Variants in PRKN observed in about 807,000 individuals in gnomAD.
PRKN encodes parkin RBR E3 ubiquitin protein ligase.
In PRKN, 56 loss-of-function variants were observed where a neutral mutation model predicts 59.5. That is an observed-to-expected ratio of 0.94 (90% CI 0.76 to 1.18). The LOEUF (loss-of-function observed/expected upper bound fraction) is 1.18. Among genes scored for constraint, PRKN ranks in the 50% most tolerant of loss-of-function variants. The pLI is 0.00. For synonymous variants in PRKN, 250 were observed against 222.1 expected (o/e 1.13, Z -1.12); for missense variants, 657 against 596.4 (o/e 1.10, Z -1.06).
At position 161,532,674 on chromosome 6, in the gene PRKN, C is replaced by T. The variant is rs138948023; in HGVS notation, c.1083+16180G>A. ...CTTGCTAAATAGAAATCATGGGTTA[C>T]GAGACGGGAGAGACGCCCACGTGGT... On this transcript the variant is annotated intron_variant, in intron 9 of 11. Coordinates refer to ENST00000366898, the MANE Select transcript of PRKN (RefSeq NM_004562.3). Among the ~76,000 whole-genome samples, 289 of 152,214 alleles carry T rather than the reference C, an allele frequency of 1.9e-3. 1 individual carries two copies. Among genetic ancestry groups the T allele is most frequent in the Admixed American group, 4.1e-3 (63 of 15,276 alleles).
intron 5 of PRKN, among the ~76,000 whole-genome samples, chr6:162,044,084 C>T (rs557399815): frequency 2.1e-4 from 32 of 152,272 alleles, no homozygotes; most frequent in Admixed American, 1.6e-3. Flanking sequence ...TCACACTTTG[C>T]CAGGGATTCA....
intron 7 of PRKN, among the ~76,000 whole-genome samples, chr6:161,774,124 AC>A (rs2128203705): frequency 1.3e-5 from 2 of 152,240 alleles, no homozygotes; most frequent in East Asian, 3.9e-4. Flanking sequence ...GAGCTCTGCA[AC>A]ACCATCAATT....
intron 1 of PRKN, among the ~76,000 whole-genome samples, chr6:162,585,632 T>C (rs189334003): frequency 6.6e-6 from 1 of 152,316 alleles, no homozygotes; most frequent in East Asian, 1.9e-4. Flanking sequence ...TAAATGTTGG[T>C]AATTATTTTT....
At chr6:161,430,895 G>A (rs1788615417) in intron 9 of PRKN, among the ~76,000 whole-genome samples, 1 of 150,946 alleles carries the variant, frequency 6.6e-6, no homozygotes, top group Non-Finnish European at 1.5e-5. Flanking sequence ...CAGCACTTTG[G>A]GAGGTCAAGG....
intron 7 of PRKN, among the ~76,000 whole-genome samples, chr6:161,605,860 T>G (rs929908533): frequency 2.0e-5 from 3 of 152,048 alleles, no homozygotes; most frequent in African/African-American, 7.2e-5. Context: ...AACCCTCTGA[T>G]GAGTGGCATA....
chr6:162,563,775 A>C (rs1779949526), intron 1 of PRKN, among the ~76,000 whole-genome samples: 1 of 152,208 alleles, frequency 6.6e-6, no homozygotes, highest in Admixed American at 6.5e-5. Flanking sequence ...TCATGATAAC[A>C]CAGAGAAGCA....
At chr6:161,780,816 G>T (rs986385582) in intron 7 of PRKN, among the ~76,000 whole-genome samples, 1 of 152,128 alleles carries the variant, frequency 6.6e-6, no homozygotes, top group African/African-American at 2.4e-5. Flanking sequence ...AACAAAATGA[G>T]TGTCTCTGTT....
In PRKN at chr6:162,101,056, C is replaced by T. The variant is rs138618590; in HGVS notation, c.535-46882G>A. Reference sequence around the variant, plus strand: ...TGTCTCTTCACTCTGCTGATTGTTGCGTGGCTGATACAGAAGTTCTTTAGT... The same window carrying T: ...TGTCTCTTCACTCTGCTGATTGTTGTGTGGCTGATACAGAAGTTCTTTAGT... On this transcript the variant is annotated intron_variant, in intron 4 of 11. Transcript: ENST00000366898. Among the ~76,000 whole-genome samples, 214 of 152,146 alleles carry T rather than the reference C, an allele frequency of 1.4e-3. 1 individual carries two copies. The highest frequency in any genetic ancestry group is 4.7e-3 in the African/African-American group (197 of 41,538).
rs548141302 is a variant in PRKN, at chr6:161,355,165, G to T, written c.1285+4923C>A. On this transcript the variant is annotated intron_variant, in intron 11 of 11. Transcript: ENST00000366898. The surrounding 1 kb of genome is among the most constrained non-coding windows in gnomAD (Gnocchi z 6.8). ...GGGCTGCCTCCGCACACCGGCGCGC[G>T]CACACCCGGTGTCTTTGCTCATGCA... 6.6e-6 allele frequency among the ~76,000 whole-genome samples: 1 copy of T among 152,304 alleles called. No individual in the cohort carries two copies. Among genetic ancestry groups the T allele is most frequent in the South Asian group, 2.1e-4 (1 of 4,828 alleles).
chr6:161,790,351 A>T (rs866945577), intron 6 of PRKN, among the ~76,000 whole-genome samples: 1 of 152,238 alleles, frequency 6.6e-6, no homozygotes, highest in East Asian at 1.9e-4. Flanking sequence ...AACAGAGGAG[A>T]TTCTGGCCAG....
intron 5 of PRKN, among the ~76,000 whole-genome samples, chr6:161,988,316 G>A (rs1340591224): frequency 5.9e-5 from 9 of 152,002 alleles, no homozygotes; most frequent in African/African-American, 1.7e-4. Flanking sequence ...GTGAAAACCC[G>A]TCTCTACTAA....
In PRKN at chr6:161,569,646, C is replaced by T. The variant is rs3765476; in HGVS notation, c.872-230G>A. 0.59 allele frequency among the ~76,000 whole-genome samples: 89,183 copies of T among 152,006 alleles called. 26,429 individuals carry two copies. Among genetic ancestry groups the T allele is most frequent in the East Asian group, 0.68 (3,522 of 5,150 alleles). ...TCTTTAGAAAACAGTTGCATGTGACCCTGGCCAGGCTTTCTCTCCCCTCTG... is the reference window on the plus strand; with the variant it reads ...TCTTTAGAAAACAGTTGCATGTGACTCTGGCCAGGCTTTCTCTCCCCTCTG... On this transcript the variant is annotated intron_variant, in intron 7 of 11. Coordinates refer to ENST00000366898, the MANE Select transcript of PRKN (RefSeq NM_004562.3).
chr6:161,719,360 G>C (rs1466991930), intron 7 of PRKN, among the ~76,000 whole-genome samples: 1 of 152,138 alleles, frequency 6.6e-6, no homozygotes, highest in Non-Finnish European at 1.5e-5. Context: ...CAGGCATCTA[G>C]TGTAGGGTGG....
chr6:162,147,587 G>C (rs1215872672), intron 4 of PRKN, among the ~76,000 whole-genome samples: 3 of 151,978 alleles, frequency 2.0e-5, no homozygotes, highest in Non-Finnish European at 4.4e-5. Flanking sequence ...TACTAAATAT[G>C]ATTTCATGAT....
intron 1 of PRKN, among the ~76,000 whole-genome samples, chr6:162,632,113 C>T (rs1411817562): frequency 6.6e-6 from 1 of 152,006 alleles, no homozygotes; most frequent in Non-Finnish European, 1.5e-5. Context: ...TCTCAAAGAA[C>T]TTAAAACAGA....
intron 2 of PRKN, among the ~76,000 whole-genome samples, chr6:162,371,567 A>G (rs1785771695): frequency 6.6e-6 from 1 of 151,966 alleles, no homozygotes; most frequent in Non-Finnish European, 1.5e-5. Flanking sequence ...AACATTATCT[A>G]CTCCACTGGT....
intron 2 of PRKN, among the ~76,000 whole-genome samples, chr6:162,295,453 G>A (rs1449001957): frequency 2.0e-5 from 3 of 152,078 alleles, no homozygotes; most frequent in African/African-American, 7.2e-5. Flanking sequence ...CTGATACCAC[G>A]TAAGGCACCC....
In PRKN at chr6:161,529,474, A is replaced by G. The variant is rs1779127730; in HGVS notation, c.1083+19380T>C. Among the ~76,000 whole-genome samples the G allele has an allele frequency of 6.6e-6, 1 of 152,210 alleles. No individual in the cohort carries two copies. Among genetic ancestry groups the G allele is most frequent in the Non-Finnish European group, 1.5e-5 (1 of 68,042 alleles). ...CTCCTTTTGTAGAGGAACGGGAAAC[A>G]GTGGCACAGGAAAGGTGAAATGGCT... is the stretch of plus-strand genomic sequence containing the variant. On this transcript the variant is annotated intron_variant, in intron 9 of 11. Transcript: ENST00000366898. The surrounding 1 kb of genome is among the most constrained non-coding windows in gnomAD (Gnocchi z 4.4).
intron 3 of PRKN, among the ~76,000 whole-genome samples, chr6:162,208,464 C>T (rs775927856): frequency 6.6e-6 from 1 of 152,160 alleles, no homozygotes; most frequent in Admixed American, 6.6e-5. Flanking sequence ...ATTTGACCTA[C>T]TGAGGCAAAA....
Sources: gnomAD v4.1 joint callset for allele counts (sites outside exome capture counted in the v4.1 genomes callset) on GRCh38, gnomAD v4.1.1 for gene constraint, Gnocchi (gnomAD v3.1) non-coding constraint, MANE v1.5 for transcripts, NCBI Gene and HGNC (gene_info 2026-07-23, HGNC 2026-07-21) for gene names.